HYAL3: variants seen among roughly 807,000 people sequenced by gnomAD.
HYAL3 encodes hyaluronidase 3.
HYAL3 carries 25 observed loss-of-function variants against 29.6 expected under a neutral mutation model. That is an observed-to-expected ratio of 0.85 (90% CI 0.62 to 1.18). The LOEUF (loss-of-function observed/expected upper bound fraction) is 1.18, where lower values mean the gene tolerates loss of function less well. Among genes scored for constraint, HYAL3 ranks in the 50% most tolerant of loss-of-function variants. HYAL3 has a pLI of 0.00. For missense variants in HYAL3, 442 were observed against 548.4 expected (o/e 0.81, Z 1.94); for synonymous variants, 215 against 218.3 (o/e 0.99, Z 0.13).
intron 1 of HYAL3, 192 bp downstream of exon 1, chr3:50,299,021 T>C (rs1239628304): frequency 1.5e-5 from 23 of 1,505,686 alleles, no homozygotes; most frequent in Non-Finnish European, 1.8e-5. Context: ...CCCTCCCTCC[T>C]AGTGGGTCAC....
rs782815866 is a variant in HYAL3, at chr3:50,297,211, G to A, written c.-17-1592C>T. 13 of 1,612,734 alleles carry A rather than the reference G, an allele frequency of 8.1e-6. No homozygotes were observed. The East Asian group carries it at 1.1e-4, about 14-fold the overall frequency. On this transcript the variant is annotated intron_variant, in intron 1 of 3. Coordinates refer to ENST00000336307, the MANE Select transcript of HYAL3 (RefSeq NM_003549.4). This position sits in a 1 kb window ranked among gnomAD's most constrained non-coding sequence, Gnocchi z 4.3. ...GAGTGCAGGCGGGAGGTGCGGCTGC[G>A]GGGCCACTGATCATTGATGAGGTCA...
chr3:50,296,491 T>G, intron 1 of HYAL3: 1 of 1,304,222 alleles, frequency 7.7e-7, no homozygotes. Context: ...CATGCCCAGG[T>G]TAAAGCTGCC....
chr3:50,295,566 C>A lies in HYAL3; in HGVS notation c.37G>T (p.Val13Leu). ...TGGCCACAACCCAGGCACAGGGCCA[C>A]CCCCAGCACCAGGGCTGGGCCCAGT... ...TQLGPALVLG[V>L]ALCLGCGQPL... The change falls in exon 2 of 4, where the codon GTG becomes TTG. Residue 13 changes from valine (V) to leucine (L), a missense_variant. Coordinates refer to ENST00000336307, the MANE Select transcript of HYAL3 (RefSeq NM_003549.4). The A allele has an allele frequency of 1.3e-6, 2 of 1,569,888 alleles. No individual in the cohort carries two copies. The highest frequency in any genetic ancestry group is 1.4e-5 in the African/African-American group (1 of 74,036).
At chr3:50,298,790 C>T in intron 1 of HYAL3, 1 of 1,099,284 alleles carries the variant, frequency 9.1e-7, no homozygotes, top group Non-Finnish European at 1.1e-6. Context: ...CCTCACCTCC[C>T]ACACCATTCA....
intron 1 of HYAL3, chr3:50,296,285 C>T (rs1040286226): frequency 2.6e-6 from 1 of 387,588 alleles, no homozygotes; most frequent in East Asian, 4.5e-5. Context: ...GGACAGGCAT[C>T]CTCCCATCAA....
At chr3:50,296,269 G>C (rs587630185) in intron 1 of HYAL3, 1 of 349,524 alleles carries the variant, frequency 2.9e-6, no homozygotes, top group Admixed American at 4.4e-5. Flanking sequence ...GGGGGGTAAA[G>C]GCAAAGGACA....
At chr3:50,294,685 C>T in intron 2 of HYAL3, 24 bp downstream of exon 2, 1 of 1,497,652 alleles carries the variant, frequency 6.7e-7, no homozygotes, top group South Asian at 1.4e-5. Flanking sequence ...TGACTCAGAC[C>T]CCTAGACCTC....
chr3:50,293,385 G>A lies in HYAL3; in HGVS notation c.1115C>T (p.Pro372Leu). ...GTGTAGAAAGGCTTCCATCTGTCCT[G>A]GATCTCGCCGGGCACAGCGCCCGTG... ...HGHGRCARRD[P>L]GQMEAFLHLW... Residue 372 changes from proline (P) to leucine (L), a missense_variant, in exon 4 of 4, where the codon CCA (proline) becomes CTA (leucine). By Grantham distance (98) the Pro-to-Leu change is moderately conservative. Transcript: ENST00000336307. The A allele has an allele frequency of 6.2e-7, 1 of 1,613,640 alleles. No homozygotes were observed. Among genetic ancestry groups the A allele is most frequent in the Non-Finnish European group, 8.5e-7 (1 of 1,180,036 alleles).
At chr3:50,294,678 C>T in intron 2 of HYAL3, 31 bp downstream of exon 2, 1 of 1,486,284 alleles carries the variant, frequency 6.7e-7, no homozygotes, top group Non-Finnish European at 9.0e-7. Flanking sequence ...TACCTCCTGA[C>T]TCAGACCCCT....
In HYAL3 at chr3:50,293,150, A is replaced by C; in HGVS notation, c.*96T>G. 1 of 1,570,430 alleles carries C rather than the reference A, an allele frequency of 6.4e-7. No individual in the cohort carries two copies. The highest frequency in any genetic ancestry group is 1.3e-5 in the African/African-American group (1 of 74,208). The stretch of plus-strand genomic sequence containing the variant: ...GCGGGGTGTGTGCTTGGGAGGGTTG[A>C]CTGTAAACTGAATAGAGCAAGAGTG... On this transcript the variant is annotated 3_prime_UTR_variant, in exon 4 of 4. Coordinates refer to ENST00000336307, the MANE Select transcript of HYAL3 (RefSeq NM_003549.4).
chr3:50,297,294 A>T lies in HYAL3; in HGVS notation c.-17-1675T>A. 1 of 1,603,970 alleles carries T rather than the reference A, an allele frequency of 6.2e-7. No homozygotes were observed. The highest frequency in any genetic ancestry group is 1.1e-5 in the South Asian group (1 of 90,072). ...CACAGGCTCCAGGGTCAACTCAGCC[A>T]GGCTAGGAGCTGGGGTCTCCTCTGG... is the stretch of plus-strand genomic sequence containing the variant. On this transcript the variant is annotated intron_variant, in intron 1 of 3. Transcript: ENST00000336307. This position sits in a 1 kb window ranked among gnomAD's most constrained non-coding sequence, Gnocchi z 4.3.
At position 50,293,286 on chromosome 3, in the gene HYAL3, G is replaced by A; in HGVS notation, c.1214C>T (p.Thr405Ile). 1.2e-6 allele frequency: 2 copies of A among 1,613,226 alleles called. No individual in the cohort carries two copies. Among genetic ancestry groups the A allele is most frequent in the Non-Finnish European group, 1.7e-6 (2 of 1,179,994 alleles). ...AGGCCCAGGCCTGGGCTCCTGGCAG[G>A]TGGGGCCAGCCCAGCCCCAGTAACA... Reference protein sequence around the residue: ...CHCYWGWAGPTCQEPRPGPKE... With the variant: ...CHCYWGWAGPICQEPRPGPKE... The change falls in exon 4 of 4, where the codon ACC becomes ATC. Residue 405 changes from threonine (T) to isoleucine (I), a missense_variant. Coordinates refer to ENST00000336307, the MANE Select transcript of HYAL3 (RefSeq NM_003549.4).
chr3:50,297,156 A>G lies in HYAL3; in HGVS notation c.-17-1537T>C. The G allele has an allele frequency of 6.3e-7, 1 of 1,599,626 alleles. No individual in the cohort carries two copies. The highest frequency in any genetic ancestry group is 8.5e-7 in the Non-Finnish European group (1 of 1,171,986). On this transcript the variant is annotated intron_variant, in intron 1 of 3. Transcript: ENST00000336307. This position sits in a 1 kb window ranked among gnomAD's most constrained non-coding sequence, Gnocchi z 4.3. The stretch of plus-strand genomic sequence containing the variant: ...GTGGGGGCTTAGCAGCATCAGGCAG[A>G]GGGGGAAGGCATCTGAGGACTGGCC...
rs782617785 is a variant in HYAL3, at chr3:50,296,816, G to C, written c.-17-1197C>G. The C allele has an allele frequency of 5.7e-6, 9 of 1,579,512 alleles. No individual in the cohort carries two copies. In the East Asian group the frequency reaches 1.1e-4, roughly 20 times the overall value. The stretch of plus-strand genomic sequence containing the variant: ...GGGCCTTCCTGGGTGGCCGGGGAGA[G>C]GGGGCTGTGGGGAAGGCATTAAGCA... On this transcript the variant is annotated intron_variant, in intron 1 of 3. Coordinates refer to ENST00000336307, the MANE Select transcript of HYAL3 (RefSeq NM_003549.4).
At chr3:50,296,729 AG>A (rs34185226) in intron 1 of HYAL3, 99 of 1,589,604 alleles carry the variant, frequency 6.2e-5, no homozygotes, top group Non-Finnish European at 8.4e-5. Context: ...CAGGTAGGGG[AG>A]GGGGTGGTGG....
rs781911184 is a variant in HYAL3 at position 50,293,674 on chromosome 3, G to A, written c.942C>T (p.Ala314=). The change falls in exon 3 of 4, where the codon GCC becomes GCT. Residue 314 remains alanine, a synonymous_variant. Coordinates refer to ENST00000336307, the MANE Select transcript of HYAL3 (RefSeq NM_003549.4). The part of the protein sequence containing the change: ...SIGVSAALGA[A]GVVLWGDLSL... ...TCAGGTCCCCCCAGAGCACCACGCCGGCTGCCCCTAGTGCTGCACTCACAC... is the reference window on the plus strand; with the variant it reads ...TCAGGTCCCCCCAGAGCACCACGCCAGCTGCCCCTAGTGCTGCACTCACAC... 6.2e-6 allele frequency: 10 copies of A among 1,613,646 alleles called. No homozygotes were observed. Among genetic ancestry groups the A allele is most frequent in the Admixed American group, 1.7e-5 (1 of 60,004 alleles).
chr3:50,293,543 T>C (rs931684453), intron 3 of HYAL3, 28 bp from the exon 4 acceptor site: 4 of 1,611,498 alleles, frequency 2.5e-6, no homozygotes, highest in Non-Finnish European at 3.4e-6. Flanking sequence ...TATGTGTCAA[T>C]ATGCCTGCTC....
At position 50,297,290 on chromosome 3, in the gene HYAL3, A is replaced by C; in HGVS notation, c.-17-1671T>G. 1 of 1,604,346 alleles carries C rather than the reference A, an allele frequency of 6.2e-7. No homozygotes were observed. The highest frequency in any genetic ancestry group is 8.5e-7 in the Non-Finnish European group (1 of 1,173,520). On this transcript the variant is annotated intron_variant, in intron 1 of 3. Transcript: ENST00000336307. This position sits in a 1 kb window ranked among gnomAD's most constrained non-coding sequence, Gnocchi z 4.3. ...GGTGCACAGGCTCCAGGGTCAACTCAGCCAGGCTAGGAGCTGGGGTCTCCT... is the reference window on the plus strand; with the variant it reads ...GGTGCACAGGCTCCAGGGTCAACTCCGCCAGGCTAGGAGCTGGGGTCTCCT...
chr3:50,298,052 T>C (rs970318774), intron 1 of HYAL3: 6 of 985,554 alleles, frequency 6.1e-6, no homozygotes, highest in Non-Finnish European at 7.2e-6. Context: ...CTTGCTGGCC[T>C]TCTGTCTTCC....
Sources: gnomAD v4.1 joint callset for allele counts on GRCh38, gnomAD v4.1.1 for gene constraint, Gnocchi (gnomAD v3.1) non-coding constraint, MANE v1.5 for transcripts, NCBI Gene and HGNC (gene_info 2026-07-23, HGNC 2026-07-21) for gene names.